Variants in KRTAP5-1 observed in about 807,000 individuals in gnomAD.
KRTAP5-1 encodes the protein keratin-associated protein 5-1.
In KRTAP5-1, 1 loss-of-function variant was observed where a neutral mutation model predicts 1.1. That is an observed-to-expected ratio of 0.90 (90% CI 0.32 to 4.26). The LOEUF (loss-of-function observed/expected upper bound fraction) is 4.26, where lower values mean the gene tolerates loss of function less well. Among genes scored for constraint, KRTAP5-1 ranks in the 30% most tolerant of loss-of-function variants. KRTAP5-1 has a pLI of 0.17. For missense variants in KRTAP5-1, 302 were observed against 349.7 expected (o/e 0.86, Z 1.09); for synonymous variants, 105 against 141.6 (o/e 0.74, Z 1.84).
Position 1,585,177 on chromosome 11 carries a change from C to T in KRTAP5-1, c.73G>A (p.Gly25Ser), listed in dbSNP as rs1179553681. ...GAGCCACAGCCCCCACAGCCGGAGC[C>T]ACAGCCCCCACAGCCGGAGCCACAG... is the stretch of plus-strand genomic sequence containing the variant. Reference protein sequence around the residue: ...GGCGSGCGGCGSGCGGCGSGC... With the variant: ...GGCGSGCGGCSSGCGGCGSGC... The change falls in exon 1 of 1, where the codon GGC becomes AGC. Residue 25 changes from glycine (G) to serine (S), a missense_variant. Physicochemically the swap from Gly to Ser is moderately conservative, Grantham distance 56. This residue lies in a region of KRTAP5-1 where 165 missense variants were observed against 235.8 expected (regional missense o/e 0.70). Coordinates refer to ENST00000382171, the MANE Select transcript of KRTAP5-1 (RefSeq NM_001005922.1). The T allele has an allele frequency of 2.5e-6, 4 of 1,612,060 alleles. No individual in the cohort carries two copies. Among genetic ancestry groups the T allele is most frequent in the Non-Finnish European group, 3.4e-6 (4 of 1,179,672 alleles).
chr11:1,585,255 T>C lies in KRTAP5-1; in HGVS notation c.-6A>G, dbSNP rs202171779. On this transcript the variant is annotated 5_prime_UTR_variant, in exon 1 of 1. Transcript: ENST00000382171. ...GAGCAGCCGCAACAGCCCATGGTTC[T>C]GGTGGATTGAGGGTGGAGCAGGTAG... 8 of 1,612,094 alleles carry C rather than the reference T, an allele frequency of 5.0e-6. No individual in the cohort carries two copies. The highest frequency in any genetic ancestry group is 8.5e-7 in the Non-Finnish European group (1 of 1,179,766).
Position 1,585,244 on chromosome 11 carries a change from G to C in KRTAP5-1, c.6C>G (p.Gly2=). ...CACAGCCTCCGGAGCAGCCGCAACA[G>C]CCCATGGTTCTGGTGGATTGAGGGT... M[G]CCGCSGGCGS... Residue 2 remains glycine (G), a synonymous_variant, in exon 1 of 1, where the codon GGC becomes GGG. Coordinates refer to ENST00000382171, the MANE Select transcript of KRTAP5-1 (RefSeq NM_001005922.1). The C allele has an allele frequency of 3.1e-6, 5 of 1,612,408 alleles. No individual in the cohort carries two copies. The highest frequency in any genetic ancestry group is 4.2e-6 in the Non-Finnish European group (5 of 1,179,832).
In KRTAP5-1 at chr11:1,584,933, T is replaced by G; in HGVS notation, c.317A>C (p.Lys106Thr). ...KGGCGSCGGS[K>T]GGCGSCGGSK... ...TCCCCCACAAGAGCCACAGCCCCCC[T>G]TGGAGCCCCCACAGGAGCCACAACC... is the stretch of plus-strand genomic sequence containing the variant. The change falls in exon 1 of 1, where the codon AAG becomes ACG. Residue 106 changes from lysine to threonine, a missense_variant. Lys to Thr is a moderately conservative substitution (Grantham distance 78). Around this residue, in one of 2 missense-constraint regions of KRTAP5-1, gnomAD observed 165 missense variants for 235.8 expected, o/e 0.70. Coordinates refer to ENST00000382171, the MANE Select transcript of KRTAP5-1 (RefSeq NM_001005922.1). The G allele has an allele frequency of 1.5e-6, 1 of 645,752 alleles. No individual in the cohort carries two copies. Among genetic ancestry groups the G allele is most frequent in the Non-Finnish European group, 2.2e-6 (1 of 464,908 alleles). 40.0% of individuals were successfully genotyped at this position (645,752 alleles called of 1,614,324 possible). A position where few individuals can be genotyped will look rare whatever the true frequency, so the allele number is the denominator to read the frequency against.
rs1190133384 is a variant in KRTAP5-1, at chr11:1,584,544, G to A, written c.706C>T (p.Gln236Ter). 6.2e-7 allele frequency: 1 copy of A among 1,613,948 alleles called. No individual in the cohort carries two copies. The highest frequency in any genetic ancestry group is 1.1e-5 in the South Asian group (1 of 91,068). The part of the protein sequence containing the change: ...SKGGCGSSCS[Q>*]CSCCKPCCCS... ...CAGCAGGGCTTACAGCAACTGCACT[G>A]GGAGCAGGATGACCCGCAGCCTCCC... The change falls in exon 1 of 1, where the codon CAG becomes TAG. Residue 236 changes from glutamine (Q) to a stop codon, truncating the protein, a stop_gained. Coordinates refer to ENST00000382171, the MANE Select transcript of KRTAP5-1 (RefSeq NM_001005922.1). LOFTEE classifies it low-confidence loss of function (END_TRUNC).
rs1369571366 is a variant in KRTAP5-1, at chr11:1,584,927, C to T, written c.323G>A (p.Gly108Asp). 2 of 1,166,686 alleles carry T rather than the reference C, an allele frequency of 1.7e-6. No individual in the cohort carries two copies. The highest frequency in any genetic ancestry group is 4.1e-5 in the East Asian group (1 of 24,520). The allele number at this position is 1,166,686 out of a possible 1,614,324, so 72.3% of individuals were successfully genotyped here. A position where few individuals can be genotyped will look rare whatever the true frequency, so the allele number is the denominator to read the frequency against. The stretch of plus-strand genomic sequence containing the variant: ...CTTGGATCCCCCACAAGAGCCACAG[C>T]CCCCCTTGGAGCCCCCACAGGAGCC... ...GCGSCGGSKG[G>D]CGSCGGSKGG... The change falls in exon 1 of 1, where the codon GGC becomes GAC. Residue 108 changes from glycine to aspartate, a missense_variant. Around this residue, in one of 2 missense-constraint regions of KRTAP5-1, gnomAD observed 165 missense variants for 235.8 expected, o/e 0.70. Coordinates refer to ENST00000382171, the MANE Select transcript of KRTAP5-1 (RefSeq NM_001005922.1).
chr11:1,584,516 C>G lies in KRTAP5-1; in HGVS notation c.734G>C (p.Cys245Ser). 1 of 1,613,926 alleles carries G rather than the reference C, an allele frequency of 6.2e-7. No homozygotes were observed. The highest frequency in any genetic ancestry group is 1.3e-5 in the African/African-American group (1 of 74,944). Residue 245 changes from cysteine (C) to serine (S), a missense_variant, in exon 1 of 1, where the codon TGT becomes TCT. By Grantham distance (112) the Cys-to-Ser change is moderately radical (BLOSUM62 -1). This residue lies in a region of KRTAP5-1 where 137 missense variants were observed against 113.9 expected (regional missense o/e 1.20). Transcript: ENST00000382171. ...SQCSCCKPCCCSSGCGSSCCQ... is the reference protein window; with the variant it reads ...SQCSCCKPCCSSSGCGSSCCQ... The stretch of plus-strand genomic sequence containing the variant: ...ACAGGATGACCCACAGCCTGAGGAA[C>G]AGCAGCAGGGCTTACAGCAACTGCA...
chr11:1,584,615 A>G lies in KRTAP5-1; in HGVS notation c.635T>C (p.Val212Ala). 6.2e-7 allele frequency: 1 copy of G among 1,609,946 alleles called. No individual in the cohort carries two copies. Among genetic ancestry groups the G allele is most frequent in the South Asian group, 1.1e-5 (1 of 90,876 alleles). The change falls in exon 1 of 1, where the codon GTG (valine) becomes GCG (alanine). Residue 212 changes from valine to alanine, a missense_variant. Coordinates refer to ENST00000382171, the MANE Select transcript of KRTAP5-1 (RefSeq NM_001005922.1). ...ACAACTGGAACAGGAACAGCAACACACGGGCACACCGCAGCCGGAGCCACA... is the reference window on the plus strand; with the variant it reads ...ACAACTGGAACAGGAACAGCAACACGCGGGCACACCGCAGCCGGAGCCACA... Reference protein sequence around the residue: ...GGCGSGCGVPVCCCSCSSCGS... With the variant: ...GGCGSGCGVPACCCSCSSCGS...
In KRTAP5-1 at chr11:1,585,189, A is replaced by G. The variant is rs1490640971; in HGVS notation, c.61T>C (p.Cys21Arg). ...GSSCGGCGSG[C>R]GGCGSGCGGC... ...CCACAGCCGGAGCCACAGCCCCCAC[A>G]GCCGGAGCCACAGCCCCCACAGCTG... The change falls in exon 1 of 1, where the codon TGT becomes CGT. Residue 21 changes from cysteine (C) to arginine (R), a missense_variant. By Grantham distance (180) the Cys-to-Arg change is radical. Around this residue, in one of 2 missense-constraint regions of KRTAP5-1, gnomAD observed 165 missense variants for 235.8 expected, o/e 0.70. Transcript: ENST00000382171. The G allele has an allele frequency of 1.9e-6, 3 of 1,609,684 alleles. No homozygotes were observed. The African/African-American group carries it at 4.0e-5, about 22-fold the overall frequency.
chr11:1,584,943 C>T lies in KRTAP5-1; in HGVS notation c.307G>A (p.Gly103Arg). Reference protein sequence around the residue: ...GGSKGGCGSCGGSKGGCGSCG... With the variant: ...GGSKGGCGSCRGSKGGCGSCG... ...GAGCCACAGCCCCCCTTGGAGCCCC[C>T]ACAGGAGCCACAACCCCCCTTGGAT... The change falls in exon 1 of 1, where the codon GGG becomes AGG. Residue 103 changes from glycine (G) to arginine (R), a missense_variant. Around this residue, in one of 2 missense-constraint regions of KRTAP5-1, gnomAD observed 165 missense variants for 235.8 expected, o/e 0.70. Coordinates refer to ENST00000382171, the MANE Select transcript of KRTAP5-1 (RefSeq NM_001005922.1). 2.4e-6 allele frequency: 3 copies of T among 1,248,602 alleles called. No homozygotes were observed. The highest frequency in any genetic ancestry group is 2.1e-6 in the Non-Finnish European group (2 of 960,544). The allele number at this position is 1,248,602 out of a possible 1,614,324, so 77.3% of individuals were successfully genotyped here.
chr11:1,584,561 C>T lies in KRTAP5-1; in HGVS notation c.689G>A (p.Cys230Tyr). Residue 230 changes from cysteine (C) to tyrosine (Y), a missense_variant, in exon 1 of 1, where the codon TGC becomes TAC. Physicochemically the swap from Cys to Tyr is radical, Grantham distance 194 (BLOSUM62 -2). Transcript: ENST00000382171. ...CGSCAGSKGGCGSSCSQCSCC... is the reference protein window; with the variant it reads ...CGSCAGSKGGYGSSCSQCSCC... ...ACTGCACTGGGAGCAGGATGACCCG[C>T]AGCCTCCCTTAGACCCCGCGCAAGA... 1.9e-6 allele frequency: 3 copies of T among 1,614,008 alleles called. No homozygotes were observed. Among genetic ancestry groups the T allele is most frequent in the Non-Finnish European group, 2.5e-6 (3 of 1,179,974 alleles).
chr11:1,584,606 C>T lies in KRTAP5-1; in HGVS notation c.644G>A (p.Cys215Tyr). Reference sequence around the variant, plus strand: ...GCAAGAGCCACAACTGGAACAGGAACAGCAACACACGGGCACACCGCAGCC... The same window carrying T: ...GCAAGAGCCACAACTGGAACAGGAATAGCAACACACGGGCACACCGCAGCC... ...GSGCGVPVCC[C>Y]SCSSCGSCAG... Residue 215 changes from cysteine (C) to tyrosine (Y), a missense_variant, in exon 1 of 1, where the codon TGT becomes TAT. By Grantham distance (194) the Cys-to-Tyr change is radical. Transcript: ENST00000382171. 6.2e-7 allele frequency: 1 copy of T among 1,613,984 alleles called. No homozygotes were observed. The highest frequency in any genetic ancestry group is 8.5e-7 in the Non-Finnish European group (1 of 1,179,944).
rs376497144 is a variant in KRTAP5-1, at chr11:1,585,187, A to G, written c.63T>C (p.Cys21=). The G allele has an allele frequency of 1.0e-5, 16 of 1,604,794 alleles. No individual in the cohort carries two copies. The highest frequency in any genetic ancestry group is 1.4e-5 in the Non-Finnish European group (16 of 1,175,912). ...GSSCGGCGSG[C]GGCGSGCGGC... is the part of the protein sequence containing the mutation. ...CCCCACAGCCGGAGCCACAGCCCCC[A>G]CAGCCGGAGCCACAGCCCCCACAGC... Residue 21 remains cysteine (C), a synonymous_variant, in exon 1 of 1, where the codon TGT becomes TGC. Transcript: ENST00000382171.
rs1307613567 is a variant in KRTAP5-1, at chr11:1,585,205, C to T, written c.45G>A (p.Gly15=). ...AGCCCCCACAGCCGGAGCCACAGCCCCCACAGCTGGAGCCACAGCCTCCGG... is the reference window on the plus strand; with the variant it reads ...AGCCCCCACAGCCGGAGCCACAGCCTCCACAGCTGGAGCCACAGCCTCCGG... The part of the protein sequence containing the change: ...GCSGGCGSSC[G]GCGSGCGGCG... The change falls in exon 1 of 1, where the codon GGG becomes GGA. Residue 15 remains glycine (G), a synonymous_variant. Transcript: ENST00000382171. The T allele has an allele frequency of 1.2e-6, 2 of 1,610,260 alleles. No individual in the cohort carries two copies. The highest frequency in any genetic ancestry group is 2.2e-5 in the South Asian group (2 of 90,954).
Position 1,584,837 on chromosome 11 carries a change from T to G in KRTAP5-1, c.413A>C (p.Lys138Thr). Residue 138 changes from lysine (K) to threonine (T), a missense_variant, in exon 1 of 1, where the codon AAG becomes ACG. Around this residue, in one of 2 missense-constraint regions of KRTAP5-1, gnomAD observed 165 missense variants for 235.8 expected, o/e 0.70. Coordinates refer to ENST00000382171, the MANE Select transcript of KRTAP5-1 (RefSeq NM_001005922.1). ...AGCTGGCACACAGCAGCACATGGGC[T>G]TGCAGCAGCAGACAGGCACACAGCA... ...SSCCVPVCCC[K>T]PMCCCVPACS... The G allele has an allele frequency of 6.4e-7, 1 of 1,557,220 alleles. No homozygotes were observed. The highest frequency in any genetic ancestry group is 8.6e-7 in the Non-Finnish European group (1 of 1,156,474).
rs140183944 is a variant in KRTAP5-1, at chr11:1,584,647, A to G, written c.603T>C (p.Cys201=). ...GGSKGGCGSG[C]GGCGSGCGVP... ...CACCGCAGCCGGAGCCACAGCCCCC[A>G]CAGCCGGAGCCACAACCCCCCTTGG... Residue 201 remains cysteine (C), a synonymous_variant, in exon 1 of 1, where the codon TGT becomes TGC. Coordinates refer to ENST00000382171, the MANE Select transcript of KRTAP5-1 (RefSeq NM_001005922.1). 6 of 1,539,274 alleles carry G rather than the reference A, an allele frequency of 3.9e-6. No homozygotes were observed. Among genetic ancestry groups the G allele is most frequent in the Admixed American group, 3.7e-5 (2 of 54,434 alleles).
Position 1,584,778 on chromosome 11 carries a change from C to T in KRTAP5-1, c.472G>A (p.Gly158Ser), listed in dbSNP as rs1208071733. The T allele has an allele frequency of 6.3e-7, 1 of 1,595,262 alleles. No homozygotes were observed. The highest frequency in any genetic ancestry group is 2.3e-5 in the East Asian group (1 of 43,970). ...SCSSCGKGGC[G>S]SCGCSKGACG... ...GCCCCCTTGGAGCACCCACAGGAGC[C>T]ACAGCCCCCTTTGCCACAGCTGGAG... is the stretch of plus-strand genomic sequence containing the variant. The change falls in exon 1 of 1, where the codon GGC becomes AGC. Residue 158 changes from glycine (G) to serine (S), a missense_variant. This residue lies in a region of KRTAP5-1 where 165 missense variants were observed against 235.8 expected (regional missense o/e 0.70). Transcript: ENST00000382171.
rs762154111 is a variant in KRTAP5-1 at position 1,585,186 on chromosome 11, C to T, written c.64G>A (p.Gly22Arg). The part of the protein sequence containing the change: ...SSCGGCGSGC[G>R]GCGSGCGGCG... ...CCCCCACAGCCGGAGCCACAGCCCC[C>T]ACAGCCGGAGCCACAGCCCCCACAG... The change falls in exon 1 of 1, where the codon GGG becomes AGG. Residue 22 changes from glycine to arginine, a missense_variant. Around this residue, in one of 2 missense-constraint regions of KRTAP5-1, gnomAD observed 165 missense variants for 235.8 expected, o/e 0.70. Coordinates refer to ENST00000382171, the MANE Select transcript of KRTAP5-1 (RefSeq NM_001005922.1). 4 of 1,612,132 alleles carry T rather than the reference C, an allele frequency of 2.5e-6. No individual in the cohort carries two copies. The South Asian group carries it at 3.3e-5, about 13-fold the overall frequency.
At position 1,585,027 on chromosome 11, in the gene KRTAP5-1, A is replaced by C; in HGVS notation, c.223T>G (p.Ser75Ala). Residue 75 changes from serine (S) to alanine (A), a missense_variant, in exon 1 of 1, where the codon TCC becomes GCC. By Grantham distance (99) the Ser-to-Ala change is moderately conservative. Around this residue, in one of 2 missense-constraint regions of KRTAP5-1, gnomAD observed 165 missense variants for 235.8 expected, o/e 0.70. Coordinates refer to ENST00000382171, the MANE Select transcript of KRTAP5-1 (RefSeq NM_001005922.1). ...CCACAGGAGCCACAGCCCCCCTTGG[A>C]GCCCCCAGAAGAGCCACAGCCCCCT... is the stretch of plus-strand genomic sequence containing the variant. ...GKGGCGSSGG[S>A]KGGCGSCGGC... The C allele has an allele frequency of 1.4e-6, 2 of 1,431,342 alleles. No individual in the cohort carries two copies. The highest frequency in any genetic ancestry group is 1.7e-5 in the African/African-American group (1 of 60,034). 88.7% of individuals were successfully genotyped at this position (1,431,342 alleles called of 1,614,324 possible).
rs138500744 is a variant in KRTAP5-1 at position 1,584,986 on chromosome 11, G to A, written c.264C>T (p.Gly88=). ...GCGSCGGCKG[G]CGSCGGSKGG... The stretch of plus-strand genomic sequence containing the variant: ...CCTTGGATCCCCCACAAGAGCCACA[G>A]CCCCCCTTGCAGCCTCCACAGGAGC... Residue 88 remains glycine, a synonymous_variant, in exon 1 of 1, where the codon GGC becomes GGT. Transcript: ENST00000382171. The A allele has an allele frequency of 2.1e-6, 3 of 1,460,998 alleles. No homozygotes were observed. Among genetic ancestry groups the A allele is most frequent in the African/African-American group, 3.8e-5 (2 of 52,776 alleles). 90.5% of individuals were successfully genotyped at this position (1,460,998 alleles called of 1,614,324 possible).
Sources: allele counts gnomAD v4.1 joint callset, GRCh38; gene constraint gnomAD v4.1.1; regional missense constraint gnomAD v4.1.1; transcripts MANE v1.5; gene names NCBI Gene and HGNC (gene_info 2026-07-23, HGNC 2026-07-21).